Variants in VWA5A observed in about 807,000 individuals in gnomAD.
VWA5A encodes the protein von Willebrand factor A domain-containing protein 5A.
In VWA5A, 77 loss-of-function variants were observed where a neutral mutation model predicts 84.6. That is an observed-to-expected ratio of 0.91 (90% CI 0.76 to 1.10). The LOEUF is 1.10. Ranked by LOEUF, VWA5A falls within the 50% of genes least tolerant of loss-of-function variation. The pLI is 0.00. For synonymous variants in VWA5A, 334 were observed against 350.1 expected (o/e 0.95, Z 0.51); for missense variants, 973 against 963.0 (o/e 1.01, Z -0.14).
chr11:124,136,219 C>G lies in VWA5A; in HGVS notation c.1450C>G (p.Leu484Val). 1 of 1,614,210 alleles carries G rather than the reference C, an allele frequency of 6.2e-7. No individual in the cohort carries two copies. The highest frequency in any genetic ancestry group is 8.5e-7 in the Non-Finnish European group (1 of 1,180,042). Residue 484 changes from leucine (L) to valine (V), a missense_variant, in exon 13 of 19, where the codon CTT becomes GTT. Physicochemically the swap from Leu to Val is conservative, Grantham distance 32. Coordinates refer to ENST00000456829, the MANE Select transcript of VWA5A (RefSeq NM_001130142.2). ...GCCTCCTGGTCTGTCTGCTAAAATG[C>G]TTTCCCCAGAACAGACTGTCATCTT... ...HLPPGLSAKM[L>V]SPEQTVIFRG...
At position 124,118,382 on chromosome 11, in the gene VWA5A, C is replaced by G; in HGVS notation, c.440C>G (p.Ala147Gly). The G allele has an allele frequency of 3.1e-6, 5 of 1,614,224 alleles. No homozygotes were observed. Among genetic ancestry groups the G allele is most frequent in the Non-Finnish European group, 4.2e-6 (5 of 1,180,052 alleles). Residue 147 changes from alanine to glycine, a missense_variant, in exon 5 of 19, where the codon GCT (alanine) becomes GGT (glycine). By Grantham distance (60) the Ala-to-Gly change is moderately conservative (BLOSUM62 0). Coordinates refer to ENST00000456829, the MANE Select transcript of VWA5A (RefSeq NM_001130142.2). ...GGGGCTCTGCGCTTTGTGCTCCCAG[C>G]TGTCCTGAATCCTAGATACCAGTTC... is the stretch of plus-strand genomic sequence containing the variant. ...ADGALRFVLP[A>G]VLNPRYQFSG...
At chr11:124,123,292 A>C in intron 8 of VWA5A, 74 bp from the exon 9 acceptor site, 1 of 1,536,040 alleles carries the variant, frequency 6.5e-7, no homozygotes, top group Admixed American at 1.8e-5. Context: ...CACATCCTCA[A>C]GAGTCGATTG....
At chr11:124,123,549 T>C (rs2137635530) in intron 9 of VWA5A, 95 bp downstream of exon 9, 1 of 1,604,586 alleles carries the variant, frequency 6.2e-7, no homozygotes, top group Non-Finnish European at 8.5e-7. Flanking sequence ...GACTTTGGCA[T>C]TGGGGGTTTC....
At chr11:124,117,424 G>T in intron 2 of VWA5A, 73 bp from the exon 3 acceptor site, 2 of 1,368,540 alleles carry the variant, frequency 1.5e-6, no homozygotes, top group Non-Finnish European at 2.1e-6. Flanking sequence ...GCCAGAGAAA[G>T]GCACATAAAG....
chr11:124,143,212 T>A (rs1860762574), intron 17 of VWA5A, among the ~76,000 whole-genome samples: 1 of 152,210 alleles, frequency 6.6e-6, no homozygotes, highest in African/African-American at 2.4e-5. Flanking sequence ...CCTAGTTGTT[T>A]CAGATGTATT....
intron 11 of VWA5A, among the ~76,000 whole-genome samples, chr11:124,134,575 A>G (rs1436925615): frequency 6.6e-6 from 1 of 152,136 alleles, no homozygotes; most frequent in Non-Finnish European, 1.5e-5. Context: ...TTAGTTTGCC[A>G]GAGAGATCTT....
intron 7 of VWA5A, among the ~76,000 whole-genome samples, chr11:124,120,710 G>A (rs1424607042): frequency 2.0e-5 from 3 of 152,146 alleles, no homozygotes; most frequent in African/African-American, 7.2e-5. Flanking sequence ...GTCTTTGTAC[G>A]TTAGTTATCT....
At chr11:124,118,876 GTCATGCTGTC>G (rs1864885721) in intron 6 of VWA5A, 89 bp from the exon 7 acceptor site, 1 of 1,365,544 alleles carries the variant, frequency 7.3e-7, no homozygotes, top group African/African-American at 1.4e-5. Context: ...TCTGTTCCTA[GTCATGCTGTC>G]TTATGGAGGA....
chr11:124,134,827 C>A, intron 11 of VWA5A, 93 bp from the exon 12 acceptor site: 1 of 882,924 alleles, frequency 1.1e-6, no homozygotes, highest in Non-Finnish European at 1.7e-6. Flanking sequence ...AGAAAGTAGA[C>A]TATTTCCTTA....
At chr11:124,144,476 T>G (rs1400562409) in intron 17 of VWA5A, among the ~76,000 whole-genome samples, 2 of 152,190 alleles carry the variant, frequency 1.3e-5, no homozygotes, top group African/African-American at 4.8e-5. Flanking sequence ...AGAACAAGCG[T>G]GGGGATGCTT....
rs1011399433 is a variant in VWA5A, at chr11:124,141,654, G to A, written c.1936G>A (p.Glu646Lys). The part of the protein sequence containing the change: ...RPPSASQPRG[E>K]LMCYKAKTFQ... ...TCCTTCTGCATCTCAGCCCAGAGGG[G>A]AACTTATGTGTTATAAGGCCAAGAC... is the stretch of plus-strand genomic sequence containing the variant. The change falls in exon 16 of 19, where the codon GAA becomes AAA. Residue 646 changes from glutamate to lysine, a missense_variant. Transcript: ENST00000456829. The A allele has an allele frequency of 2.5e-6, 4 of 1,613,980 alleles. No individual in the cohort carries two copies. The highest frequency in any genetic ancestry group is 4.5e-5 in the East Asian group (2 of 44,888).
At chr11:124,123,164 G>A in intron 8 of VWA5A, 35 bp downstream of exon 8, 3 of 1,595,260 alleles carry the variant, frequency 1.9e-6, no homozygotes, top group Non-Finnish European at 2.6e-6. Context: ...TGGGTCACAT[G>A]CTCAAGTGAG....
rs780260344 is a variant in VWA5A, at chr11:124,123,419, C to T, written c.984C>T (p.Ile328=). ...TACCTATAGGCTGTTATTTCAACAT[C>T]TATGGATTTGGCTCTTCCTATGAGG... is the stretch of plus-strand genomic sequence containing the variant. ...KSLPIGCYFN[I]YGFGSSYEAC... The change falls in exon 9 of 19, where the codon ATC becomes ATT. Residue 328 remains isoleucine (I), a synonymous_variant. Transcript: ENST00000456829. The T allele has an allele frequency of 1.9e-6, 3 of 1,614,048 alleles. No individual in the cohort carries two copies. Among genetic ancestry groups the T allele is most frequent in the Admixed American group, 3.3e-5 (2 of 59,996 alleles).
intron 2 of VWA5A, among the ~76,000 whole-genome samples, 174 bp downstream of exon 2, chr11:124,116,854 G>C (rs150700323): frequency 6.6e-6 from 1 of 152,028 alleles, no homozygotes; most frequent in African/African-American, 2.4e-5. Context: ...AAATATACTC[G>C]TATCTTTTAA....
chr11:124,122,836 A>C, intron 7 of VWA5A, 124 bp from the exon 8 acceptor site: 1 of 953,720 alleles, frequency 1.0e-6, no homozygotes, highest in South Asian at 1.7e-5. Flanking sequence ...TGGTACATGA[A>C]TCATCACAGT....
chr11:124,145,855 C>A lies in VWA5A; in HGVS notation c.2282-11C>A. On this transcript the variant is annotated splice_polypyrimidine_tract_variant and intron_variant, in intron 18 of 18. Transcript: ENST00000456829. Reference sequence around the variant, plus strand: ...TCCTTCATCCCTGCTTCTTGTTTTTCCTCACCACAGGCTCCACCATGCCTT... The same window carrying A: ...TCCTTCATCCCTGCTTCTTGTTTTTACTCACCACAGGCTCCACCATGCCTT... 1.3e-6 allele frequency: 2 copies of A among 1,570,870 alleles called. No individual in the cohort carries two copies. Among genetic ancestry groups the A allele is most frequent in the East Asian group, 2.3e-5 (1 of 42,906 alleles).
Position 124,145,849 on chromosome 11 carries a change from GT to G in VWA5A, c.2282-12del. The G allele has an allele frequency of 6.4e-7, 1 of 1,568,244 alleles. No individual in the cohort carries two copies. Among genetic ancestry groups the G allele is most frequent in the Admixed American group, 1.8e-5 (1 of 55,556 alleles). On this transcript the variant is annotated splice_polypyrimidine_tract_variant and intron_variant, in intron 18 of 18. Transcript: ENST00000456829. ...TTGCAATCCTTCATCCCTGCTTCTTGTTTTTCCTCACCACAGGCTCCACCAT... is the reference window on the plus strand; with the variant it reads ...TTGCAATCCTTCATCCCTGCTTCTTGTTTTCCTCACCACAGGCTCCACCAT...
rs762074926 is a variant in VWA5A at position 124,119,038 on chromosome 11, G to T, written c.709G>T (p.Val237Leu). ...DVELLIYYNE[V>L]HTPSVVLEMG... ...GGAACTCCTGATTTACTACAATGAGGTGCATACCCCCAGCGTGGTTTTGGA... is the reference window on the plus strand; with the variant it reads ...GGAACTCCTGATTTACTACAATGAGTTGCATACCCCCAGCGTGGTTTTGGA... The change falls in exon 7 of 19, where the codon GTG becomes TTG. Residue 237 changes from valine (V) to leucine (L), a missense_variant. Physicochemically the swap from Val to Leu is conservative, Grantham distance 32. Transcript: ENST00000456829. 1 of 1,614,208 alleles carries T rather than the reference G, an allele frequency of 6.2e-7. No homozygotes were observed. Among genetic ancestry groups the T allele is most frequent in the South Asian group, 1.1e-5 (1 of 91,078 alleles).
chr11:124,124,583 T>G, intron 11 of VWA5A: 1 of 1,166,510 alleles, frequency 8.6e-7, no homozygotes, highest in Non-Finnish European at 1.1e-6. Context: ...TTTTTTTTAC[T>G]ATAAACATTT....
Sources: gnomAD v4.1 joint callset for allele counts (sites outside exome capture counted in the v4.1 genomes callset) on GRCh38, gnomAD v4.1.1 for gene constraint, MANE v1.5 for transcripts, NCBI Gene and HGNC (gene_info 2026-07-23, HGNC 2026-07-21) for gene names.